IL22RA2: variants seen among roughly 807,000 people sequenced by gnomAD.
IL22RA2 encodes the protein interleukin-22 receptor subunit alpha-2.
Under a neutral mutation model 30.7 loss-of-function variants are expected in IL22RA2, and 39 were observed. The ratio of observed to expected loss-of-function variants is 1.27; its 90% CI spans 0.98 to 1.66. IL22RA2 has a LOEUF of 1.66. Among genes scored for constraint, IL22RA2 ranks in the 40% most tolerant of loss-of-function variants. The pLI is 0.00. For synonymous variants in IL22RA2, 103 were observed against 105.0 expected, an observed-to-expected ratio of 0.98 and a Z score of 0.11; for missense variants, 315 against 312.7, an observed-to-expected ratio of 1.01 and a Z score of -0.05.
At position 137,147,730 on chromosome 6, in the gene IL22RA2, G is replaced by C. The variant is rs1210840095; in HGVS notation, c.634C>G (p.Leu212Val). 2 of 1,541,198 alleles carry C rather than the reference G, an allele frequency of 1.3e-6. No individual in the cohort carries two copies. Among genetic ancestry groups the C allele is most frequent in the African/African-American group, 1.4e-5 (1 of 72,144 alleles). Residue 212 changes from leucine (L) to valine (V), a missense_variant, in exon 6 of 7, where the codon CTA becomes GTA. Leu to Val is a conservative substitution (Grantham distance 32, BLOSUM62 1). Coordinates refer to ENST00000296980, the MANE Select transcript of IL22RA2 (RefSeq NM_052962.3). ...TATTCATCTGAACTTACCTTTTCTA[G>C]TGAATTGTTAATTATAAAAACTCGG... Reference protein sequence around the residue: ...LYRVFIINNSLEKEQKVYEGA... With the variant: ...LYRVFIINNSVEKEQKVYEGA...
chr6:137,152,104 T>G (rs1366610059), intron 5 of IL22RA2, among the ~76,000 whole-genome samples: 2 of 152,122 alleles, frequency 1.3e-5, no homozygotes, highest in African/African-American at 4.8e-5. Flanking sequence ...TCCTTGGTAC[T>G]TGGGAGGCTG....
chr6:137,161,699 A>G lies in IL22RA2; in HGVS notation c.51T>C (p.Thr17=), dbSNP rs781501871. ...FLGFLISFFL[T]GVAGTQSTHE... is the part of the protein sequence containing the mutation. ...AAACAAAGCACTTACCTGCTACACC[A>G]GTAAGGAAGAAACTGATGAGGAAGC... The change falls in exon 2 of 7, where the codon ACT becomes ACC. Residue 17 remains threonine, a synonymous_variant. Transcript: ENST00000296980. The G allele has an allele frequency of 6.2e-7, 1 of 1,613,312 alleles. No homozygotes were observed. The highest frequency in any genetic ancestry group is 1.1e-5 in the South Asian group (1 of 91,030).
chr6:137,165,810 G>C lies in IL22RA2; in HGVS notation c.-65-3996C>G, dbSNP rs1442295987. ...AAAAGCCATGATAAAGACCCTTACT[G>C]TCCCAACAACAGAGGAATGGTAATA... On this transcript the variant is annotated intron_variant, in intron 1 of 6. Transcript: ENST00000296980. Among the ~76,000 whole-genome samples the C allele has an allele frequency of 2.6e-5, 4 of 152,170 alleles. No individual in the cohort carries two copies. The East Asian group carries it at 5.8e-4, about 22-fold the overall frequency.
At chr6:137,162,773 G>A (rs73560037) in intron 1 of IL22RA2, among the ~76,000 whole-genome samples, 4 of 152,162 alleles carry the variant, frequency 2.6e-5, no homozygotes, top group Non-Finnish European at 5.9e-5. Flanking sequence ...GACATATCCA[G>A]TTTCTCAGAA....
intron 5 of IL22RA2, among the ~76,000 whole-genome samples, chr6:137,150,064 G>A (rs1478612796): frequency 6.6e-6 from 1 of 152,192 alleles, no homozygotes; most frequent in Non-Finnish European, 1.5e-5. Context: ...TTTAACTGAA[G>A]AAAGTTTACT....
intron 1 of IL22RA2, among the ~76,000 whole-genome samples, chr6:137,165,471 A>T (rs1778608680): frequency 6.6e-6 from 1 of 152,206 alleles, no homozygotes; most frequent in African/African-American, 2.4e-5. Context: ...GAAAAGCTAG[A>T]TGCAGAGCTA....
chr6:137,155,477 G>A (rs1052070225), intron 4 of IL22RA2, among the ~76,000 whole-genome samples: 3 of 151,352 alleles, frequency 2.0e-5, no homozygotes, highest in African/African-American at 4.8e-5. Context: ...ACTTCACAGG[G>A]ATTCAAGAGA....
At chr6:137,171,498 CAG>C (rs988512018) in intron 1 of IL22RA2, among the ~76,000 whole-genome samples, 5 of 152,150 alleles carry the variant, frequency 3.3e-5, no homozygotes, top group African/African-American at 1.2e-4. Context: ...GTGGAGGAGG[CAG>C]AGTCTTCAAA....
chr6:137,158,013 G>A (rs371709982), intron 3 of IL22RA2, among the ~76,000 whole-genome samples: 4 of 152,066 alleles, frequency 2.6e-5, no homozygotes, highest in South Asian at 2.1e-4. Flanking sequence ...CTGAGTACTC[G>A]CTATGTGCTA....
chr6:137,149,852 C>G (rs897714561), intron 5 of IL22RA2, among the ~76,000 whole-genome samples: 2 of 152,150 alleles, frequency 1.3e-5, no homozygotes, highest in African/African-American at 2.4e-5. Flanking sequence ...CTTGAGTTTG[C>G]TATGCCAGAG....
At chr6:137,153,058 G>A (rs1376225873) in intron 5 of IL22RA2, among the ~76,000 whole-genome samples, 3 of 152,118 alleles carry the variant, frequency 2.0e-5, no homozygotes, top group Non-Finnish European at 4.4e-5. Flanking sequence ...TATAGATTCT[G>A]GTTACAGATT....
rs1462926597 is a variant in IL22RA2, at chr6:137,144,214, T to G, written c.*1410A>C. 6.6e-6 allele frequency: 1 copy of G among 152,188 alleles called. No homozygotes were observed. The highest frequency in any genetic ancestry group is 6.5e-5 in the Admixed American group (1 of 15,272). The allele number at this position is 152,188 out of a possible 1,614,324, so 9.4% of individuals were successfully genotyped here. ...ATCAAAGTAAATTTTTTTTTCAGTC[T>G]CTGCGTCTATGCTCAAATCAATGTT... On this transcript the variant is annotated 3_prime_UTR_variant, in exon 7 of 7. Transcript: ENST00000296980.
chr6:137,145,007 T>A lies in IL22RA2; in HGVS notation c.*617A>T, dbSNP rs1778145838. The A allele has an allele frequency of 6.7e-6, 1 of 149,746 alleles. No homozygotes were observed. Among genetic ancestry groups the A allele is most frequent in the South Asian group, 2.1e-4 (1 of 4,830 alleles). 9.3% of individuals were successfully genotyped at this position (149,746 alleles called of 1,614,324 possible). A position where few individuals can be genotyped will look rare whatever the true frequency, so the allele number is the denominator to read the frequency against. ...GATATCAATCCAGAAATCATAAGAT[T>A]TTTTTCCCCAAAACCTGTTCTTATT... is the stretch of plus-strand genomic sequence containing the variant. On this transcript the variant is annotated 3_prime_UTR_variant, in exon 7 of 7. Coordinates refer to ENST00000296980, the MANE Select transcript of IL22RA2 (RefSeq NM_052962.3).
intron 5 of IL22RA2, among the ~76,000 whole-genome samples, chr6:137,154,601 C>T (rs534517455): frequency 5.3e-5 from 8 of 150,024 alleles, no homozygotes; most frequent in East Asian, 2.0e-4. Flanking sequence ...GGTGACAAAG[C>T]GAGACCCTGT....
chr6:137,161,631 C>T, intron 2 of IL22RA2, 58 bp downstream of exon 2: 1 of 1,426,840 alleles, frequency 7.0e-7, no homozygotes, highest in South Asian at 1.2e-5. Flanking sequence ...TCCAACAGAT[C>T]CTTGATTGGA....
intron 5 of IL22RA2, among the ~76,000 whole-genome samples, chr6:137,148,967 T>G (rs1303611902): frequency 6.6e-6 from 1 of 152,216 alleles, no homozygotes; most frequent in Non-Finnish European, 1.5e-5. Context: ...GGATTGTGAT[T>G]GTGTTACAAG....
chr6:137,163,822 T>C lies in IL22RA2; in HGVS notation c.-65-2008A>G, dbSNP rs554450449. ...TGGGGATGGGGGAGGTGTGTGAAAG[T>C]GTGTAAAAGAGATGGTCTCGGGAGA... is the stretch of plus-strand genomic sequence containing the variant. On this transcript the variant is annotated intron_variant, in intron 1 of 6. Coordinates refer to ENST00000296980, the MANE Select transcript of IL22RA2 (RefSeq NM_052962.3). Among the ~76,000 whole-genome samples, 3 of 151,784 alleles carry C rather than the reference T, an allele frequency of 2.0e-5. No individual in the cohort carries two copies. The South Asian group carries it at 6.3e-4, about 32-fold the overall frequency.
At chr6:137,159,341 A>G (rs1403531211) in intron 2 of IL22RA2, among the ~76,000 whole-genome samples, 1 of 150,432 alleles carries the variant, frequency 6.6e-6, no homozygotes, top group Non-Finnish European at 1.5e-5. Context: ...TTTTTTTTGG[A>G]TGGAGTTTCA....
chr6:137,160,455 C>CA (rs1468436109), intron 2 of IL22RA2, among the ~76,000 whole-genome samples: 2 of 152,196 alleles, frequency 1.3e-5, no homozygotes, highest in African/African-American at 2.4e-5. Flanking sequence ...ATTTTGTACC[C>CA]AGACAGTCTG....
Sources: allele counts gnomAD v4.1 joint callset (sites outside exome capture counted in the v4.1 genomes callset), GRCh38; gene constraint gnomAD v4.1.1; transcripts MANE v1.5; gene names NCBI Gene and HGNC (gene_info 2026-07-23, HGNC 2026-07-21).